SCHIP1: variants seen among roughly 807,000 people sequenced by gnomAD.
SCHIP1 encodes schwannomin interacting protein 1.
Under a neutral mutation model 29.7 loss-of-function variants are expected in SCHIP1, and 8 were observed. That is an observed-to-expected ratio of 0.27 (90% confidence interval 0.16 to 0.49). The LOEUF is 0.49. Ranked by LOEUF, SCHIP1 falls within the 20% of genes least tolerant of loss-of-function variation. The pLI is 0.99. For synonymous variants in SCHIP1, 76 were observed against 94.9 expected, an observed-to-expected ratio of 0.80 and a Z score of 1.16; for missense variants, 193 against 294.6, an observed-to-expected ratio of 0.66 and a Z score of 2.52.
At chr3:159,572,731 A>C in the SCHIP1 span, among the ~76,000 whole-genome samples, 1 of 152,172 alleles carries the variant, frequency 6.6e-6, no homozygotes, top group Admixed American at 6.5e-5. Flanking sequence ...GTCTCCCATT[A>C]GTATTGTGTG....
chr3:159,401,718 G>A, the SCHIP1 span, among the ~76,000 whole-genome samples: 6 of 152,148 alleles, frequency 3.9e-5, no homozygotes, highest in African/African-American at 1.4e-4. Context: ...TAGACATGAA[G>A]TCCTTGCCCA....
chr3:159,713,216 G>C, the SCHIP1 span, among the ~76,000 whole-genome samples: 524 of 135,074 alleles, frequency 3.9e-3, 2 homozygotes, highest in African/African-American at 0.015. Flanking sequence ...AAGAGAGAGA[G>C]AGAGAGAGAA....
At chr3:159,313,724 T>A in the SCHIP1 span, among the ~76,000 whole-genome samples, 3 of 152,154 alleles carry the variant, frequency 2.0e-5, no homozygotes, top group Non-Finnish European at 2.9e-5. Context: ...CCCACTAATT[T>A]TTTTTTTCTG....
the SCHIP1 span, among the ~76,000 whole-genome samples, chr3:159,610,312 C>A: frequency 6.6e-6 from 1 of 152,168 alleles, no homozygotes; most frequent in Non-Finnish European, 1.5e-5. Flanking sequence ...TGATAGGAAC[C>A]GTTGACTGAC....
the SCHIP1 span, among the ~76,000 whole-genome samples, chr3:159,827,358 T>A: frequency 6.6e-6 from 1 of 152,160 alleles, no homozygotes; most frequent in African/African-American, 2.4e-5. Flanking sequence ...AAAAAAGATT[T>A]AGGGACCCTT....
chr3:159,321,396 G>C, the SCHIP1 span, among the ~76,000 whole-genome samples: 1 of 152,268 alleles, frequency 6.6e-6, no homozygotes, highest in African/African-American at 2.4e-5. Context: ...AGGAAGCTGA[G>C]AAATAAATAC....
At chr3:159,576,669 G>T in the SCHIP1 span, among the ~76,000 whole-genome samples, 1 of 152,026 alleles carries the variant, frequency 6.6e-6, no homozygotes, top group Admixed American at 6.5e-5. Flanking sequence ...CCCTTTCATT[G>T]AAGTGTGACT....
At chr3:159,492,917 A>C in the SCHIP1 span, among the ~76,000 whole-genome samples, 1 of 152,238 alleles carries the variant, frequency 6.6e-6, no homozygotes, top group African/African-American at 2.4e-5. Flanking sequence ...CAGAAACTCT[A>C]CAAGCCAGAA....
chr3:159,479,788 A>G, the SCHIP1 span, among the ~76,000 whole-genome samples: 1 of 152,212 alleles, frequency 6.6e-6, no homozygotes, highest in Non-Finnish European at 1.5e-5. Flanking sequence ...ATTCAGGTCC[A>G]AAGTACTCCC....
chr3:159,489,688 G>C, the SCHIP1 span, among the ~76,000 whole-genome samples: 10 of 152,112 alleles, frequency 6.6e-5, no homozygotes, highest in African/African-American at 2.2e-4. Context: ...TGTTTATTAT[G>C]AACAAAGTGG....
the SCHIP1 span, among the ~76,000 whole-genome samples, chr3:159,527,740 T>G: frequency 6.6e-6 from 1 of 152,192 alleles, no homozygotes; most frequent in Non-Finnish European, 1.5e-5. Context: ...GGAGTAGTTT[T>G]TTTGTTTGCA....
the SCHIP1 span, among the ~76,000 whole-genome samples, chr3:159,649,189 T>C: frequency 6.6e-6 from 1 of 152,126 alleles, no homozygotes; most frequent in Non-Finnish European, 1.5e-5. Context: ...TTTGTACTTG[T>C]AGATGTTTGG....
the SCHIP1 span, among the ~76,000 whole-genome samples, chr3:159,787,893 A>G: frequency 4.4e-3 from 676 of 152,252 alleles, 2 homozygotes; most frequent in Non-Finnish European, 6.3e-3. Context: ...CCTGAATCCT[A>G]TTAGCCAGCA....
At chr3:159,794,467 T>C in the SCHIP1 span, among the ~76,000 whole-genome samples, 1 of 152,234 alleles carries the variant, frequency 6.6e-6, no homozygotes, top group Non-Finnish European at 1.5e-5. Context: ...CTGCTACTAA[T>C]GCAGTGATTC....
the SCHIP1 span, among the ~76,000 whole-genome samples, chr3:159,328,225 G>A: frequency 6.6e-6 from 1 of 152,156 alleles, no homozygotes; most frequent in Non-Finnish European, 1.5e-5. Flanking sequence ...TACTATATTA[G>A]ATGGCATAGA....
chr3:159,525,142 A>C, the SCHIP1 span, among the ~76,000 whole-genome samples: 1 of 152,220 alleles, frequency 6.6e-6, no homozygotes, highest in African/African-American at 2.4e-5. Context: ...TCACATTATT[A>C]GTGAAACTTT....
the SCHIP1 span, among the ~76,000 whole-genome samples, chr3:159,333,147 T>C: frequency 2.0e-5 from 3 of 152,358 alleles, no homozygotes; most frequent in East Asian, 3.9e-4. Context: ...GTTATTTTTT[T>C]AGTGTTGCAT....
chr3:159,339,949 G>T, the SCHIP1 span, among the ~76,000 whole-genome samples: 3 of 152,002 alleles, frequency 2.0e-5, no homozygotes, highest in African/African-American at 7.2e-5. Flanking sequence ...TTTGAGAAAG[G>T]TAGTAATTCT....
At chr3:159,510,145 T>C in the SCHIP1 span, among the ~76,000 whole-genome samples, 1 of 152,228 alleles carries the variant, frequency 6.6e-6, no homozygotes, top group Non-Finnish European at 1.5e-5. Flanking sequence ...AGTCCCATAT[T>C]TCTTGGAGGC....
Sources: gnomAD v4.1 joint callset for allele counts (sites outside exome capture counted in the v4.1 genomes callset) on GRCh38, gnomAD v4.1.1 for gene constraint, MANE v1.5 for transcripts, NCBI Gene and HGNC (gene_info 2026-07-23, HGNC 2026-07-21) for gene names.